TLN2: variants seen among roughly 807,000 people sequenced by gnomAD.
TLN2 encodes talin-2.
TLN2 carries 118 observed loss-of-function variants against 294.7 expected under a neutral mutation model. The ratio of observed to expected loss-of-function variants is 0.40; its 90% confidence interval spans 0.34 to 0.47. The LOEUF is 0.47. Among genes scored for constraint, TLN2 ranks in the 20% least tolerant of loss-of-function variants. TLN2 has a pLI of 0.84. For synonymous variants in TLN2, 1,431 were observed against 1,304.5 expected (o/e 1.10, Z -2.09); for missense variants, 3,083 against 3,282.2 (o/e 0.94, Z 1.48).
intron 42 of TLN2, among the ~76,000 whole-genome samples, chr15:62,773,962 T>C (rs1304546184): frequency 6.6e-6 from 1 of 152,160 alleles, no homozygotes; most frequent in Non-Finnish European, 1.5e-5. Flanking sequence ...CCTCACTCCA[T>C]TGAGCTCTTC....
chr15:62,627,204 A>G (rs1410214355), intron 3 of TLN2, among the ~76,000 whole-genome samples: 1 of 152,136 alleles, frequency 6.6e-6, no homozygotes, highest in Non-Finnish European at 1.5e-5. Flanking sequence ...GGCAAAAGAG[A>G]ATTCTTAAGG....
intron 26 of TLN2, among the ~76,000 whole-genome samples, chr15:62,724,715 T>C (rs1282917754): frequency 6.6e-6 from 1 of 152,156 alleles, no homozygotes; most frequent in Non-Finnish European, 1.5e-5. Flanking sequence ...GGCAAGTGCA[T>C]TTCAGATAAG....
At chr15:62,527,494 C>T (rs2040805779) in intron 1 of TLN2, among the ~76,000 whole-genome samples, 2 of 152,198 alleles carry the variant, frequency 1.3e-5, no homozygotes, top group African/African-American at 4.8e-5. Flanking sequence ...CCTGGCCTCT[C>T]ACGTTGGTGA....
At chr15:62,470,291 G>C (rs1038676185) in intron 1 of TLN2, among the ~76,000 whole-genome samples, 1 of 152,204 alleles carries the variant, frequency 6.6e-6, no homozygotes, top group Admixed American at 6.5e-5. Flanking sequence ...GTTTAACCCA[G>C]ACAGTCAACC....
At chr15:62,824,841 G>C (rs1426064563) in intron 54 of TLN2, among the ~76,000 whole-genome samples, 1 of 152,196 alleles carries the variant, frequency 6.6e-6, no homozygotes, top group East Asian at 1.9e-4. Flanking sequence ...TTCATTCTGA[G>C]TTCTCTCAAC....
intron 1 of TLN2, among the ~76,000 whole-genome samples, chr15:62,475,981 G>A (rs116008198): frequency 0.011 from 1,738 of 152,308 alleles, 43 homozygotes; most frequent in African/African-American, 0.04. Context: ...TTTAGGGCAA[G>A]GCCTATCTTC....
At chr15:62,422,884 AT>A (rs1175135140) in intron 1 of TLN2, among the ~76,000 whole-genome samples, 2 of 152,174 alleles carry the variant, frequency 1.3e-5, no homozygotes, top group Non-Finnish European at 2.9e-5. Context: ...GGAGATGCTG[AT>A]TTAGCTTGCC....
intron 1 of TLN2, among the ~76,000 whole-genome samples, chr15:62,464,012 T>C (rs953976933): frequency 1.3e-5 from 2 of 152,216 alleles, no homozygotes; most frequent in Admixed American, 6.5e-5. Context: ...TGGAAGACAG[T>C]GTGGCAATTC....
intron 1 of TLN2, among the ~76,000 whole-genome samples, chr15:62,522,349 CTG>C (rs71889781): frequency 0.014 from 2,150 of 152,300 alleles, 54 homozygotes; most frequent in African/African-American, 0.049. Context: ...GTTTGACAAA[CTG>C]TACAGTTCGT....
intron 1 of TLN2, among the ~76,000 whole-genome samples, chr15:62,515,233 A>G (rs2040129153): frequency 6.6e-6 from 1 of 152,232 alleles, no homozygotes. Flanking sequence ...TTATCATATC[A>G]GTTAGCTCTT....
At chr15:62,563,706 A>G (rs2140609114) in intron 1 of TLN2, among the ~76,000 whole-genome samples, 1 of 152,296 alleles carries the variant, frequency 6.6e-6, no homozygotes, top group African/African-American at 2.4e-5. Context: ...TTTCTAGCAC[A>G]CTTTGCACAT....
At chr15:62,455,261 A>C (rs936965020) in intron 1 of TLN2, among the ~76,000 whole-genome samples, 1 of 151,746 alleles carries the variant, frequency 6.6e-6, no homozygotes, top group Non-Finnish European at 1.5e-5. Flanking sequence ...AGGTGAGGAG[A>C]GAGGTGCTCG....
intron 4 of TLN2, among the ~76,000 whole-genome samples, chr15:62,648,000 T>C (rs1379456119): frequency 2.0e-5 from 3 of 152,218 alleles, no homozygotes; most frequent in Non-Finnish European, 4.4e-5. Flanking sequence ...CATTTTATTT[T>C]CCCCTTCCCT....
chr15:62,844,331 G>A lies in TLN2; in HGVS notation c.*3721G>A, dbSNP rs1196246687. 1 of 152,042 alleles carries A rather than the reference G, an allele frequency of 6.6e-6. No homozygotes were observed. Among genetic ancestry groups the A allele is most frequent in the Non-Finnish European group, 1.5e-5 (1 of 68,032 alleles). 9.4% of individuals were successfully genotyped at this position (152,042 alleles called of 1,614,324 possible). The stretch of plus-strand genomic sequence containing the variant: ...AGAGTTTGGGTTGATTCTTTTAAAT[G>A]CTACAAACAAGAGCTATTTCTTTTC... On this transcript the variant is annotated 3_prime_UTR_variant, in exon 59 of 59. Transcript: ENST00000636159.
At position 62,752,198 on chromosome 15, in the gene TLN2, G is replaced by A. The variant is rs1002680421; in HGVS notation, c.4210-107G>A. On this transcript the variant is annotated intron_variant, in intron 34 of 58. Transcript: ENST00000636159. ...CCAAATAAAGGAGAAAATGTCAAAT[G>A]TTCCAAATTAAGTTGCCTTGAATAT... 7 of 1,413,514 alleles carry A rather than the reference G, an allele frequency of 5.0e-6. No individual in the cohort carries two copies. In the African/African-American group the frequency reaches 1.0e-4, roughly 20 times the overall value. 87.6% of individuals were successfully genotyped at this position (1,413,514 alleles called of 1,614,324 possible). A position where few individuals can be genotyped will look rare whatever the true frequency, so the allele number is the denominator to read the frequency against.
At chr15:62,429,278 T>C (rs1340439409) in intron 1 of TLN2, among the ~76,000 whole-genome samples, 1 of 152,176 alleles carries the variant, frequency 6.6e-6, no homozygotes, top group Non-Finnish European at 1.5e-5. Flanking sequence ...CTGGGATATC[T>C]GAGTTTGCTG....
chr15:62,450,087 C>T (rs193291583), intron 1 of TLN2, among the ~76,000 whole-genome samples: 1 of 152,292 alleles, frequency 6.6e-6, no homozygotes, highest in East Asian at 1.9e-4. Flanking sequence ...TTTCTGCCGT[C>T]TCCTGCAGAA....
At chr15:62,759,007 C>G (rs1348553993) in intron 37 of TLN2, among the ~76,000 whole-genome samples, 1 of 152,178 alleles carries the variant, frequency 6.6e-6, no homozygotes, top group Non-Finnish European at 1.5e-5. Flanking sequence ...TGGTATTTTG[C>G]TAAGGGGGAA....
In TLN2 at chr15:62,595,991, C is replaced by T. The variant is rs2046469214; in HGVS notation, c.-162+6229C>T. Among the ~76,000 whole-genome samples, 3 of 152,148 alleles carry T rather than the reference C, an allele frequency of 2.0e-5. No individual in the cohort carries two copies. In the South Asian group the frequency reaches 6.2e-4, roughly 32 times the overall value. On this transcript the variant is annotated intron_variant, in intron 2 of 58. Transcript: ENST00000636159. ...TGGTGACTACAGTTAATAATGTATT[C>T]TTGGCCAGGCGCGGTGGCTCACGCC...
Sources: allele counts gnomAD v4.1 joint callset (sites outside exome capture counted in the v4.1 genomes callset), GRCh38; gene constraint gnomAD v4.1.1; transcripts MANE v1.5; gene names NCBI Gene and HGNC (gene_info 2026-07-23, HGNC 2026-07-21).